Variants in DLG2 observed in about 807,000 individuals in gnomAD.
DLG2 encodes the protein discs large MAGUK scaffold protein 2, also known as disks large homolog 2.
DLG2 carries 45 observed loss-of-function variants against 132.5 expected under a neutral mutation model. That is an observed-to-expected ratio of 0.34 (90% confidence interval 0.27 to 0.44). DLG2 has a LOEUF of 0.44. Ranked by LOEUF, DLG2 falls within the 20% of genes least tolerant of loss-of-function variation. DLG2 has a pLI of 1.00. For missense variants in DLG2, 1,045 were observed against 1,196.9 expected, an observed-to-expected ratio of 0.87 and a Z score of 1.87; for synonymous variants, 424 against 419.6, an observed-to-expected ratio of 1.01 and a Z score of -0.13.
chr11:84,713,485 G>A (rs2060670927), intron 6 of DLG2, among the ~76,000 whole-genome samples: 1 of 152,040 alleles, frequency 6.6e-6, no homozygotes, highest in African/African-American at 2.4e-5. Flanking sequence ...TCTCCTTAAT[G>A]TACCAATTTT....
At chr11:85,430,205 G>A (rs1287311294) in intron 3 of DLG2, among the ~76,000 whole-genome samples, 1 of 143,620 alleles carries the variant, frequency 7.0e-6, no homozygotes, top group African/African-American at 2.6e-5. Flanking sequence ...TCTGGGGCCT[G>A]TTGTGGGGAG....
At chr11:85,044,572 T>C (rs1259641433) in intron 6 of DLG2, among the ~76,000 whole-genome samples, 1 of 152,022 alleles carries the variant, frequency 6.6e-6, no homozygotes, top group Non-Finnish European at 1.5e-5. Flanking sequence ...TATTACAAAA[T>C]AGTCATTAGT....
intron 14 of DLG2, among the ~76,000 whole-genome samples, chr11:83,934,753 C>T (rs2081089451): frequency 6.6e-6 from 1 of 152,156 alleles, no homozygotes; most frequent in Non-Finnish European, 1.5e-5. Flanking sequence ...ACAATGCTCT[C>T]TCCTTCTCTA....
chr11:85,427,145 A>G (rs1283226107), intron 3 of DLG2, among the ~76,000 whole-genome samples: 1 of 152,308 alleles, frequency 6.6e-6, no homozygotes, highest in South Asian at 2.1e-4. Context: ...CCAAATCTAC[A>G]TCGATTGGTG....
intron 7 of DLG2, among the ~76,000 whole-genome samples, chr11:84,450,270 A>C (rs1183159226): frequency 1.3e-5 from 2 of 151,868 alleles, no homozygotes; most frequent in Non-Finnish European, 1.5e-5. Flanking sequence ...GTAGCTTATG[A>C]CAAAAAAAAT....
intron 7 of DLG2, among the ~76,000 whole-genome samples, chr11:84,433,100 G>A (rs1602029771): frequency 6.6e-6 from 1 of 152,076 alleles, no homozygotes; most frequent in African/African-American, 2.4e-5. Context: ...TCACTCATAG[G>A]TTATAAACTG....
At chr11:85,042,235 T>C (rs186103757) in intron 6 of DLG2, among the ~76,000 whole-genome samples, 17 of 152,042 alleles carry the variant, frequency 1.1e-4, no homozygotes, top group Admixed American at 9.8e-4. Context: ...CGTTTGAGAA[T>C]TGTTGGCATA....
chr11:84,615,671 T>A (rs959316689), intron 6 of DLG2, among the ~76,000 whole-genome samples: 18 of 151,744 alleles, frequency 1.2e-4, no homozygotes, highest in Admixed American at 1.2e-3. Context: ...TCTGTTTCCA[T>A]CTAAAATATT....
intron 6 of DLG2, among the ~76,000 whole-genome samples, chr11:84,829,492 T>A (rs2078751925): frequency 6.6e-6 from 1 of 151,762 alleles, no homozygotes; most frequent in African/African-American, 2.4e-5. Flanking sequence ...TCATGAATTA[T>A]AAAGGTAATT....
chr11:85,345,239 G>T lies in DLG2; in HGVS notation c.41-59874C>A, dbSNP rs1009781303. Among the ~76,000 whole-genome samples the T allele has an allele frequency of 1.3e-4, 20 of 152,172 alleles. No homozygotes were observed. The East Asian group carries it at 3.7e-3, about 28-fold the overall frequency. Reference sequence around the variant, plus strand: ...TTGCATAAGGATCATTCCTTAGAAAGATATTTACAGTAATCAATAGCTTTT... The same window carrying T: ...TTGCATAAGGATCATTCCTTAGAAATATATTTACAGTAATCAATAGCTTTT... On this transcript the variant is annotated intron_variant, in intron 3 of 27. Coordinates refer to ENST00000376104, the MANE Select transcript of DLG2 (RefSeq NM_001142699.3).
At chr11:83,541,913 A>G in intron 19 of DLG2, 55 bp from the exon 20 acceptor site, 2 of 1,505,342 alleles carry the variant, frequency 1.3e-6, no homozygotes, top group Non-Finnish European at 1.8e-6. Flanking sequence ...GCACAGATTT[A>G]GGATTTATGG....
At position 85,418,938 on chromosome 11, in the gene DLG2, G is replaced by T. The variant is rs1413353617; in HGVS notation, c.41-133573C>A. On this transcript the variant is annotated intron_variant, in intron 3 of 27. Coordinates refer to ENST00000376104, the MANE Select transcript of DLG2 (RefSeq NM_001142699.3). The stretch of plus-strand genomic sequence containing the variant: ...GGCATTTAGCCCATTTACATTTAAG[G>T]TTAAGATTATTATGTGTGAATTTGA... Among the ~76,000 whole-genome samples, 26 of 152,134 alleles carry T rather than the reference G, an allele frequency of 1.7e-4. 1 individual carries two copies. Among genetic ancestry groups the T allele is most frequent in the Admixed American group, 1.7e-3 (26 of 15,272 alleles).
chr11:84,984,303 T>A (rs2056174272), intron 6 of DLG2, among the ~76,000 whole-genome samples: 1 of 152,130 alleles, frequency 6.6e-6, no homozygotes, highest in East Asian at 1.9e-4. Flanking sequence ...CTCTAGAAGC[T>A]AGAAGGGATT....
intron 11 of DLG2, among the ~76,000 whole-genome samples, chr11:84,004,491 A>G (rs929836917): frequency 1.3e-5 from 2 of 152,042 alleles, no homozygotes; most frequent in African/African-American, 2.4e-5. Flanking sequence ...TACTGAATGG[A>G]GAAAAGTTGA....
chr11:84,939,018 G>A (rs2049071039), intron 6 of DLG2, among the ~76,000 whole-genome samples: 1 of 152,044 alleles, frequency 6.6e-6, no homozygotes, highest in Non-Finnish European at 1.5e-5. Flanking sequence ...TTCAAAAGGA[G>A]ATAAATTAGA....
intron 19 of DLG2, among the ~76,000 whole-genome samples, chr11:83,585,345 C>T (rs1223591469): frequency 6.6e-6 from 1 of 152,162 alleles, no homozygotes; most frequent in African/African-American, 2.4e-5. Context: ...CATACAATCA[C>T]AACAACCCAC....
chr11:83,729,901 CATG>C (rs2090684386), intron 18 of DLG2, among the ~76,000 whole-genome samples: 1 of 152,112 alleles, frequency 6.6e-6, no homozygotes, highest in South Asian at 2.1e-4. Flanking sequence ...AGCATGAAAG[CATG>C]ATACTTTATA....
intron 6 of DLG2, among the ~76,000 whole-genome samples, chr11:84,535,377 C>T (rs2099352913): frequency 6.6e-6 from 1 of 152,168 alleles, no homozygotes; most frequent in South Asian, 2.1e-4. Flanking sequence ...TTTTAAAGAA[C>T]TTTAAAAATC....
chr11:85,031,258 T>C (rs2060978497), intron 6 of DLG2, among the ~76,000 whole-genome samples: 1 of 152,070 alleles, frequency 6.6e-6, no homozygotes, highest in Non-Finnish European at 1.5e-5. Context: ...TTCAATTAGT[T>C]TGCTATTTCC....
Sources: gnomAD v4.1 joint callset for allele counts (sites outside exome capture counted in the v4.1 genomes callset) on GRCh38, gnomAD v4.1.1 for gene constraint, MANE v1.5 for transcripts, NCBI Gene and HGNC (gene_info 2026-07-23, HGNC 2026-07-21) for gene names.